VPS37A: variants seen among roughly 807,000 people sequenced by gnomAD.
VPS37A encodes the protein VPS37A subunit of ESCRT-I.
Under a neutral mutation model 49.8 loss-of-function variants are expected in VPS37A, and 30 were observed. The ratio of observed to expected loss-of-function variants is 0.60; its 90% CI spans 0.45 to 0.82. The LOEUF (loss-of-function observed/expected upper bound fraction) is 0.82, where lower values mean the gene tolerates loss of function less well. Ranked by LOEUF, VPS37A falls within the 40% of genes least tolerant of loss-of-function variation. VPS37A has a pLI of 0.00. For missense variants in VPS37A, 593 were observed against 464.4 expected (o/e 1.28, Z -2.55); for synonymous variants, 195 against 160.6 (o/e 1.21, Z -1.62).
In VPS37A at chr8:17,296,243, G is replaced by A. The variant is rs1479386963; in HGVS notation, c.*1257G>A. ...AGAATTAAAACATGCTTAATATTTA[G>A]TCTGTTTGTGGAGGGCAGGTATTCA... On this transcript the variant is annotated 3_prime_UTR_variant, in exon 12 of 12. Coordinates refer to ENST00000324849, the MANE Select transcript of VPS37A (RefSeq NM_152415.3). The A allele has an allele frequency of 1.3e-5, 2 of 152,100 alleles. No individual in the cohort carries two copies. The highest frequency in any genetic ancestry group is 4.8e-5 in the African/African-American group (2 of 41,408). The allele number at this position is 152,100 out of a possible 1,614,324, so 9.4% of individuals were successfully genotyped here.
downstream of VPS37A, chr8:17,305,630 C>A: frequency 1.4e-6 from 1 of 709,636 alleles, no homozygotes; most frequent in Non-Finnish European, 2.3e-6. Flanking sequence ...GAAAATAAAA[C>A]TAATCTGTCA....
chr8:17,280,183 T>G (rs780230383), intron 7 of VPS37A, 28 bp downstream of exon 7: 1 of 1,610,286 alleles, frequency 6.2e-7, no homozygotes, highest in Non-Finnish European at 8.5e-7. Context: ...TGAGCGCACA[T>G]TTCCTGAAAA....
chr8:17,253,879 A>G (rs1430325259), intron 1 of VPS37A, among the ~76,000 whole-genome samples: 1 of 152,210 alleles, frequency 6.6e-6, no homozygotes, highest in East Asian at 1.9e-4. Context: ...TCCAAGAGAC[A>G]GCTATAGTAT....
At chr8:17,308,833 T>G in the VPS37A span, among the ~76,000 whole-genome samples, 2 of 152,136 alleles carry the variant, frequency 1.3e-5, no homozygotes, top group Non-Finnish European at 2.9e-5. Flanking sequence ...GAAGCCTTCA[T>G]CACCACTCCA....
the VPS37A span, among the ~76,000 whole-genome samples, chr8:17,332,315 TGACACA>T: frequency 6.6e-6 from 1 of 152,218 alleles, no homozygotes; most frequent in Non-Finnish European, 1.5e-5. Context: ...ATATGTTCTT[TGACACA>T]GATCTCCTAA....
Position 17,286,376 on chromosome 8 carries a change from G to A in VPS37A, c.1143G>A (p.Glu381=). The A allele has an allele frequency of 6.2e-7, 1 of 1,613,822 alleles. No homozygotes were observed. The highest frequency in any genetic ancestry group is 8.5e-7 in the Non-Finnish European group (1 of 1,179,884). Residue 381 remains glutamate, a synonymous_variant, in exon 11 of 12, where the codon GAG becomes GAA. Coordinates refer to ENST00000324849, the MANE Select transcript of VPS37A (RefSeq NM_152415.3). Reference sequence around the variant, plus strand: ...GCCACTGTAGAAGAGCCAAGGAAGAGAAACTTCAGCAGGCGATAGCAATGC... The same window carrying A: ...GCCACTGTAGAAGAGCCAAGGAAGAAAAACTTCAGCAGGCGATAGCAATGC... ...TICHCRRAKE[E]KLQQAIAMHS...
At chr8:17,300,126 G>A, downstream of VPS37A, 1 of 1,614,102 alleles carries the variant, frequency 6.2e-7, no homozygotes, top group Non-Finnish European at 8.5e-7. Context: ...TGGCTATGCT[G>A]TTGTCTGAGG....
chr8:17,321,026 T>C, the VPS37A span, among the ~76,000 whole-genome samples: 1 of 152,166 alleles, frequency 6.6e-6, no homozygotes, highest in African/African-American at 2.4e-5. Flanking sequence ...GGCCAAACTT[T>C]CCAGTTGTTA....
chr8:17,268,426 C>A (rs752773239), intron 3 of VPS37A, 54 bp downstream of exon 3: 3 of 1,271,744 alleles, frequency 2.4e-6, no homozygotes, highest in Non-Finnish European at 3.3e-6. Context: ...TATTACTTTT[C>A]TACTAAATAT....
chr8:17,261,213 A>C (rs1298929107), intron 1 of VPS37A, among the ~76,000 whole-genome samples: 1 of 152,088 alleles, frequency 6.6e-6, no homozygotes, highest in Non-Finnish European at 1.5e-5. Flanking sequence ...ACCTGTCTTC[A>C]GGTTTACTGA....
intron 4 of VPS37A, among the ~76,000 whole-genome samples, chr8:17,272,744 C>T (rs975825027): frequency 7.9e-5 from 12 of 152,052 alleles, no homozygotes; most frequent in East Asian, 1.9e-4. Flanking sequence ...GATGAGCCAT[C>T]GTTTGAAATG....
intron 9 of VPS37A, 133 bp from the exon 10 acceptor site, chr8:17,284,340 C>A (rs534475911): frequency 9.7e-7 from 1 of 1,026,300 alleles, no homozygotes; most frequent in South Asian, 2.2e-5. Context: ...TATAAGACAG[C>A]AGATTTTCTC....
chr8:17,258,850 T>A (rs1470319078), intron 1 of VPS37A, among the ~76,000 whole-genome samples: 1 of 152,098 alleles, frequency 6.6e-6, no homozygotes, highest in Non-Finnish European at 1.5e-5. Context: ...AGGTTGTATA[T>A]GTCCGGCAAT....
chr8:17,265,818 A>T, intron 1 of VPS37A, 89 bp from the exon 2 acceptor site: 1 of 1,600,310 alleles, frequency 6.2e-7, no homozygotes, highest in Non-Finnish European at 8.5e-7. Context: ...AAATAAAGGT[A>T]GTTTTAGTAG....
chr8:17,329,831 G>A, the VPS37A span, among the ~76,000 whole-genome samples: 1 of 152,168 alleles, frequency 6.6e-6, no homozygotes, highest in South Asian at 2.1e-4. Flanking sequence ...CATGCCCAGG[G>A]TATGATCACT....
chr8:17,257,031 GT>G (rs1467159378), intron 1 of VPS37A, among the ~76,000 whole-genome samples: 4 of 152,288 alleles, frequency 2.6e-5, no homozygotes. Flanking sequence ...TTTCCTCAAT[GT>G]TTTCTTCTAG....
chr8:17,298,994 C>G (rs1235482001), downstream of VPS37A: 1 of 152,212 alleles, frequency 6.6e-6, no homozygotes, highest in Non-Finnish European at 1.5e-5. Context: ...TTTTCACTCA[C>G]AGATGTTTTA....
At position 17,272,140 on chromosome 8, in the gene VPS37A, G is replaced by T. The variant is rs1165217186; in HGVS notation, c.417-2593G>T. On this transcript the variant is annotated intron_variant, in intron 4 of 11. Coordinates refer to ENST00000324849, the MANE Select transcript of VPS37A (RefSeq NM_152415.3). ...CCACTAATAAAAAGTTCTCCTTCCG[G>T]TGACCATCTGCTCAAAGGCCCACCA... 6.6e-6 allele frequency: 3 copies of T among 454,254 alleles called. No individual in the cohort carries two copies. The Admixed American group carries it at 7.1e-5, about 11-fold the overall frequency. The allele number at this position is 454,254 out of a possible 1,614,324, so 28.1% of individuals were successfully genotyped here.
At chr8:17,284,661 G>A in intron 10 of VPS37A, 45 bp downstream of exon 10, 1 of 1,540,148 alleles carries the variant, frequency 6.5e-7, no homozygotes. Context: ...GATAAAGTTT[G>A]GTATTTTTAT....
Sources: allele counts gnomAD v4.1 joint callset (sites outside exome capture counted in the v4.1 genomes callset), GRCh38; gene constraint gnomAD v4.1.1; transcripts MANE v1.5; gene names NCBI Gene and HGNC (gene_info 2026-07-23, HGNC 2026-07-21).